CARF: variants seen among roughly 807,000 people sequenced by gnomAD.
CARF encodes the protein calcium responsive transcription factor.
Under a neutral mutation model 82.0 loss-of-function variants are expected in CARF, and 57 were observed. The ratio of observed to expected loss-of-function variants is 0.70; its 90% CI spans 0.56 to 0.87. The LOEUF (loss-of-function observed/expected upper bound fraction) is 0.87, where lower values mean the gene tolerates loss of function less well. Among genes scored for constraint, CARF ranks in the 40% least tolerant of loss-of-function variants. CARF has a pLI of 0.00. For synonymous variants in CARF, 268 were observed against 290.1 expected, an observed-to-expected ratio of 0.92 and a Z score of 0.77; for missense variants, 771 against 855.8, an observed-to-expected ratio of 0.90 and a Z score of 1.24.
At chr2:202,921,407 ATC>A (rs1173115884) in intron 2 of CARF, among the ~76,000 whole-genome samples, 1 of 152,138 alleles carries the variant, frequency 6.6e-6, no homozygotes, top group Non-Finnish European at 1.5e-5. Context: ...ATTAAATTAA[ATC>A]TCTATATTCA....
chr2:202,961,460 G>C, intron 9 of CARF, 34 bp downstream of exon 9: 1 of 1,573,816 alleles, frequency 6.4e-7, no homozygotes, highest in East Asian at 2.3e-5. Context: ...AAAAGGTTCA[G>C]CAGCAGCCAT....
intron 3 of CARF, among the ~76,000 whole-genome samples, chr2:202,927,267 C>T (rs763309309): frequency 1.3e-5 from 2 of 151,844 alleles, no homozygotes; most frequent in Non-Finnish European, 2.9e-5. Context: ...TTTTTATGTG[C>T]TCACATTTCT....
chr2:202,977,383 G>A (rs1353832790), intron 14 of CARF, 51 bp downstream of exon 14: 2 of 1,358,046 alleles, frequency 1.5e-6, no homozygotes, highest in African/African-American at 2.9e-5. Flanking sequence ...GTGTTTAACT[G>A]GAAGGAACTT....
At chr2:202,948,202 A>ATGCTGTT (rs1209816167) in intron 5 of CARF, among the ~76,000 whole-genome samples, 1 of 152,088 alleles carries the variant, frequency 6.6e-6, no homozygotes, top group Non-Finnish European at 1.5e-5. Context: ...CTTCTGTTCC[A>ATGCTGTT]TTGGTCTATA....
chr2:202,969,403 C>T (rs1470739908), intron 10 of CARF, among the ~76,000 whole-genome samples: 1 of 151,946 alleles, frequency 6.6e-6, no homozygotes, highest in Non-Finnish European at 1.5e-5. Flanking sequence ...TGGAAAAACC[C>T]TGTCTCTACT....
rs774097728 is a variant in CARF, at chr2:202,952,611, C to G, written c.359C>G (p.Pro120Arg). 2 of 1,613,580 alleles carry G rather than the reference C, an allele frequency of 1.2e-6. No individual in the cohort carries two copies. Among genetic ancestry groups the G allele is most frequent in the South Asian group, 2.2e-5 (2 of 91,062 alleles). ...GGACAGGTACTTCGTGTAATTCCAC[C>G]TACCCAGACAGGAATGGCACAAGTG... is the stretch of plus-strand genomic sequence containing the variant. ...ENGQVLRVIP[P>R]TQTGMAQVII... Residue 120 changes from proline to arginine, a missense_variant, in exon 6 of 17, where the codon CCT becomes CGT. By Grantham distance (103) the Pro-to-Arg change is moderately radical. Transcript: ENST00000438828.
rs990238474 is a variant in CARF, at chr2:202,913,025, C to T, written c.-407C>T. ...GATAACTATCCTGATCCCAATGTCACTTTTTAAGGCATTCGCTTCAAGAGA... is the reference window on the plus strand; with the variant it reads ...GATAACTATCCTGATCCCAATGTCATTTTTTAAGGCATTCGCTTCAAGAGA... On this transcript the variant is annotated 5_prime_UTR_variant, in exon 1 of 17. Coordinates refer to ENST00000438828, the MANE Select transcript of CARF (RefSeq NM_024744.17). 1 of 152,182 alleles carries T rather than the reference C, an allele frequency of 6.6e-6. No homozygotes were observed. The highest frequency in any genetic ancestry group is 2.4e-5 in the African/African-American group (1 of 41,438). 9.4% of individuals were successfully genotyped at this position (152,182 alleles called of 1,614,324 possible).
intron 6 of CARF, among the ~76,000 whole-genome samples, chr2:202,953,088 C>T (rs571825161): frequency 6.7e-4 from 102 of 152,202 alleles, no homozygotes; most frequent in African/African-American, 5.5e-4. Flanking sequence ...GGCATGATCT[C>T]GGCTTACTGC....
Position 202,983,749 on chromosome 2 carries a change from A to G in CARF, c.*125A>G, listed in dbSNP as rs2060356252. 1 of 663,604 alleles carries G rather than the reference A, an allele frequency of 1.5e-6. No homozygotes were observed. Among genetic ancestry groups the G allele is most frequent in the African/African-American group, 1.9e-5 (1 of 53,082 alleles). 41.1% of individuals were successfully genotyped at this position (663,604 alleles called of 1,614,324 possible). A position where few individuals can be genotyped will look rare whatever the true frequency, so the allele number is the denominator to read the frequency against. On this transcript the variant is annotated 3_prime_UTR_variant, in exon 17 of 17. Coordinates refer to ENST00000438828, the MANE Select transcript of CARF (RefSeq NM_024744.17). ...AAGACCAGTTTGATGAGAAGCTTTT[A>G]TTTAAAACTGATATATTTGTTGCCA... is the stretch of plus-strand genomic sequence containing the variant.
At position 202,984,607 on chromosome 2, in the gene CARF, T is replaced by C. The variant is rs946454400; in HGVS notation, c.*983T>C. The C allele has an allele frequency of 2.0e-5, 3 of 152,222 alleles. No homozygotes were observed. The highest frequency in any genetic ancestry group is 1.3e-4 in the Admixed American group (2 of 15,278). 9.4% of individuals were successfully genotyped at this position (152,222 alleles called of 1,614,324 possible). ...ACTGAATTGATGATATTAGGATTTC[T>C]AGTATTTTAAGGTAAGTATTTATAG... On this transcript the variant is annotated 3_prime_UTR_variant, in exon 17 of 17. Transcript: ENST00000438828.
intron 2 of CARF, 129 bp downstream of exon 2, chr2:202,918,172 GA>G (rs1228070288): frequency 2.8e-5 from 8 of 290,866 alleles, no homozygotes; most frequent in Admixed American, 5.0e-5. Flanking sequence ...TTATCAGTTG[GA>G]AAAAACATTT....
chr2:202,983,600 C>T lies in CARF; in HGVS notation c.2154C>T (p.Asp718=). The change falls in exon 17 of 17, where the codon GAC becomes GAT. Residue 718 remains aspartate, a synonymous_variant. Coordinates refer to ENST00000438828, the MANE Select transcript of CARF (RefSeq NM_024744.17). ...ALSMEAKKTV[D]YKKLSAT is the part of the protein sequence containing the mutation. Reference sequence around the variant, plus strand: ...CTATGGAAGCAAAAAAAACTGTGGACTATAAGAAATTATCTGCTACATAAA... The same window carrying T: ...CTATGGAAGCAAAAAAAACTGTGGATTATAAGAAATTATCTGCTACATAAA... 4.4e-6 allele frequency: 7 copies of T among 1,603,138 alleles called. No homozygotes were observed. The highest frequency in any genetic ancestry group is 6.0e-6 in the Non-Finnish European group (7 of 1,172,550).
At chr2:202,964,718 T>C (rs2059469995) in intron 9 of CARF, among the ~76,000 whole-genome samples, 1 of 151,998 alleles carries the variant, frequency 6.6e-6, no homozygotes, top group African/African-American at 2.4e-5. Flanking sequence ...TATCAGTATA[T>C]GGTCAATCTT....
chr2:202,923,284 A>G (rs1391399258), intron 2 of CARF, among the ~76,000 whole-genome samples: 1 of 152,188 alleles, frequency 6.6e-6, no homozygotes, highest in African/African-American at 2.4e-5. Context: ...TCCGGGTACA[A>G]AATTAATGTA....
At chr2:202,980,902 A>T (rs912323676) in intron 14 of CARF, among the ~76,000 whole-genome samples, 3 of 151,844 alleles carry the variant, frequency 2.0e-5, no homozygotes, top group Non-Finnish European at 4.4e-5. Flanking sequence ...ATGCCATTTT[A>T]TATCAGGAAC....
chr2:202,987,213 G>A lies in CARF; in HGVS notation c.*3589G>A, dbSNP rs886255144. On this transcript the variant is annotated 3_prime_UTR_variant, in exon 17 of 17. Transcript: ENST00000438828. ...AAGCATCAACATTTTAAAACAATGT[G>A]TGTAATAAGTAATTCTCCACGCCCA... is the stretch of plus-strand genomic sequence containing the variant. 2 of 151,882 alleles carry A rather than the reference G, an allele frequency of 1.3e-5. No individual in the cohort carries two copies. The highest frequency in any genetic ancestry group is 2.9e-5 in the Non-Finnish European group (2 of 68,030). 9.4% of individuals were successfully genotyped at this position (151,882 alleles called of 1,614,324 possible).
At chr2:202,921,154 A>G (rs1391993427) in intron 2 of CARF, among the ~76,000 whole-genome samples, 1 of 152,026 alleles carries the variant, frequency 6.6e-6, no homozygotes, top group Non-Finnish European at 1.5e-5. Context: ...AGTGCGTGCC[A>G]CCGTGCCCGG....
At chr2:202,969,617 ATAAG>A (rs1317396208) in intron 10 of CARF, among the ~76,000 whole-genome samples, 30 of 123,822 alleles carry the variant, frequency 2.4e-4, no homozygotes, top group Middle Eastern at 8.2e-3. Context: ...AAATAAATAA[ATAAG>A]TAATCCAGGC....
intron 12 of CARF, among the ~76,000 whole-genome samples, chr2:202,972,169 T>C (rs976840511): frequency 1.3e-5 from 2 of 152,034 alleles, no homozygotes; most frequent in African/African-American, 4.8e-5. Context: ...ATTTTATTTG[T>C]AGTACTCTGG....
Sources: allele counts gnomAD v4.1 joint callset (sites outside exome capture counted in the v4.1 genomes callset), GRCh38; gene constraint gnomAD v4.1.1; transcripts MANE v1.5; gene names NCBI Gene and HGNC (gene_info 2026-07-23, HGNC 2026-07-21).